The following NME9 variants were observed in gnomAD, a reference collection of about 807,000 sequenced individuals.
NME9 encodes the protein thioredoxin domain-containing protein 6.
Under a neutral mutation model 44.4 loss-of-function variants are expected in NME9, and 48 were observed. The ratio of observed to expected loss-of-function variants is 1.08; its 90% confidence interval spans 0.86 to 1.37. The LOEUF is 1.37. Among genes scored for constraint, NME9 ranks in the 40% most tolerant of loss-of-function variants. NME9 has a pLI of 0.00. For synonymous variants in NME9, 139 were observed against 147.1 expected, an observed-to-expected ratio of 0.94 and a Z score of 0.40; for missense variants, 325 against 405.2, an observed-to-expected ratio of 0.80 and a Z score of 1.70.
At chr3:138,271,316 C>A (rs2048766982) in intron 8 of NME9, among the ~76,000 whole-genome samples, 1 of 152,166 alleles carries the variant, frequency 6.6e-6, no homozygotes, top group Non-Finnish European at 1.5e-5. Flanking sequence ...AACATTCCCC[C>A]AAGTTTCAGT....
intron 8 of NME9, chr3:138,290,697 G>C: frequency 3.5e-6 from 4 of 1,131,658 alleles, no homozygotes; most frequent in East Asian, 2.6e-5. Flanking sequence ...TTCGTGAAAG[G>C]GTTTGAATTG....
downstream of NME9, chr3:138,296,107 G>T (rs11716014): frequency 1.0e-4 from 47 of 470,770 alleles, no homozygotes; most frequent in East Asian, 3.6e-4. Context: ...TTTTGTTTTG[G>T]TTTTTTTTTC....
chr3:138,276,398 T>C (rs2049296905), intron 8 of NME9, among the ~76,000 whole-genome samples: 1 of 152,160 alleles, frequency 6.6e-6, no homozygotes, highest in African/African-American at 2.4e-5. Context: ...TGCCCTTAAA[T>C]TGGGAACAAG....
intron 8 of NME9, chr3:138,270,070 C>T: frequency 1.2e-6 from 2 of 1,613,320 alleles, no homozygotes; most frequent in Non-Finnish European, 1.7e-6. Flanking sequence ...CGTAGAGCTA[C>T]TTTGTGGATT....
Position 138,303,220 on chromosome 3 carries a change from A to G in NME9, c.928+287T>C, listed in dbSNP as rs144871671. Reference sequence around the variant, plus strand: ...TAATGAAATTTTCCCAATGGTTTCCACAGGGAAATGCAAATAAAGTACTTT... The same window carrying G: ...TAATGAAATTTTCCCAATGGTTTCCGCAGGGAAATGCAAATAAAGTACTTT... On this transcript the variant is annotated intron_variant, in intron 10 of 10. Coordinates refer to ENST00000333911, the MANE Select transcript of NME9 (RefSeq NM_001349018.2). 7.8e-3 allele frequency: 2,257 copies of G among 287,554 alleles called. 15 individuals carry two copies. Among genetic ancestry groups the G allele is most frequent in the Non-Finnish European group, 0.012 (1,762 of 150,316 alleles). The allele number at this position is 287,554 out of a possible 1,614,324, so 17.8% of individuals were successfully genotyped here. A position where few individuals can be genotyped will look rare whatever the true frequency, so the allele number is the denominator to read the frequency against.
At chr3:138,287,027 C>T (rs1235084884) in intron 8 of NME9, among the ~76,000 whole-genome samples, 7 of 152,204 alleles carry the variant, frequency 4.6e-5, no homozygotes, top group Admixed American at 3.9e-4. Flanking sequence ...ATCACCACTG[C>T]CCCCACCCTA....
At chr3:138,284,570 C>CTGT (rs1560047847) in intron 8 of NME9, 5 of 1,386,220 alleles carry the variant, frequency 3.6e-6, no homozygotes, top group Non-Finnish European at 5.1e-6. Context: ...AATGCAGGGA[C>CTGT]TGTTGCATTT....
chr3:138,269,213 T>G (rs1022835067), intron 8 of NME9, among the ~76,000 whole-genome samples: 7 of 152,236 alleles, frequency 4.6e-5, no homozygotes, highest in African/African-American at 1.7e-4. Context: ...AAATATAATT[T>G]GTACAGTTGA....
At chr3:138,286,705 G>A (rs1474382029) in intron 8 of NME9, among the ~76,000 whole-genome samples, 1 of 152,000 alleles carries the variant, frequency 6.6e-6, no homozygotes, top group African/African-American at 2.4e-5. Flanking sequence ...AAGATCACTG[G>A]GTGGTTCTTA....
At chr3:138,262,640 G>T in intron 8 of NME9, 2 of 1,503,854 alleles carry the variant, frequency 1.3e-6, no homozygotes, top group South Asian at 2.6e-5. Context: ...TGACCCTGGA[G>T]AATCTAATTT....
chr3:138,329,791 T>C lies in NME9; in HGVS notation c.-456A>G, dbSNP rs2054010684. On this transcript the variant is annotated 5_prime_UTR_variant, in exon 1 of 11. Coordinates refer to ENST00000333911, the MANE Select transcript of NME9 (RefSeq NM_001349018.2). Reference sequence around the variant, plus strand: ...GCCACTGCGAACGACAGGTACAAGATCTTCGACGCGCCCGGAGTCACCAAC... The same window carrying C: ...GCCACTGCGAACGACAGGTACAAGACCTTCGACGCGCCCGGAGTCACCAAC... 13 of 989,102 alleles carry C rather than the reference T, an allele frequency of 1.3e-5. No individual in the cohort carries two copies. The highest frequency in any genetic ancestry group is 1.6e-5 in the Non-Finnish European group (13 of 832,446). The allele number at this position is 989,102 out of a possible 1,614,324, so 61.3% of individuals were successfully genotyped here.
chr3:138,281,314 TAG>T (rs948731162), intron 8 of NME9, among the ~76,000 whole-genome samples: 1 of 151,378 alleles, frequency 6.6e-6, no homozygotes, highest in African/African-American at 2.4e-5. Context: ...TTTTTTTTGA[TAG>T]AGAGTCTCAC....
intron 8 of NME9, among the ~76,000 whole-genome samples, chr3:138,278,067 CAG>C (rs985861372): frequency 2.6e-5 from 4 of 152,270 alleles, no homozygotes; most frequent in African/African-American, 9.6e-5. Context: ...ACAGTAGAGA[CAG>C]AGAACAAATC....
downstream of NME9, among the ~76,000 whole-genome samples, chr3:138,299,772 C>T (rs906472529): frequency 3.3e-5 from 5 of 152,200 alleles, no homozygotes; most frequent in Non-Finnish European, 5.9e-5. Context: ...CACTCCCCGC[C>T]GACAGGCTCA....
At chr3:138,300,283 A>G (rs571751410), downstream of NME9, among the ~76,000 whole-genome samples, 7 of 152,298 alleles carry the variant, frequency 4.6e-5, no homozygotes, top group South Asian at 8.3e-4. Context: ...TTGGTTCCCA[A>G]CTGTGGGGAC....
intron 8 of NME9, among the ~76,000 whole-genome samples, chr3:138,277,749 A>G (rs1243607750): frequency 6.6e-6 from 1 of 152,214 alleles, no homozygotes; most frequent in Non-Finnish European, 1.5e-5. Context: ...AGTTGTACAT[A>G]TACGTGCCAT....
chr3:138,313,638 T>C (rs546972709), intron 6 of NME9, among the ~76,000 whole-genome samples: 1 of 152,296 alleles, frequency 6.6e-6, no homozygotes, highest in African/African-American at 2.4e-5. Context: ...GTATTCACGG[T>C]AGCCAAAATA....
chr3:138,307,130 A>T (rs182548368), intron 6 of NME9, among the ~76,000 whole-genome samples: 100 of 152,322 alleles, frequency 6.6e-4, no homozygotes, highest in African/African-American at 2.0e-3. Context: ...GTCTCCGTTC[A>T]AGTTCTCCTG....
intron 6 of NME9, among the ~76,000 whole-genome samples, chr3:138,309,306 A>C (rs2052524326): frequency 6.6e-6 from 1 of 151,500 alleles, no homozygotes; most frequent in Non-Finnish European, 1.5e-5. Context: ...CTCAAACAAA[A>C]AAAAAAAAAG....
Sources: gnomAD v4.1 joint callset for allele counts (sites outside exome capture counted in the v4.1 genomes callset) on GRCh38, gnomAD v4.1.1 for gene constraint, MANE v1.5 for transcripts, NCBI Gene and HGNC (gene_info 2026-07-23, HGNC 2026-07-21) for gene names.